Variants in DPYSL3 observed in about 807,000 individuals in gnomAD.
DPYSL3 encodes the protein dihydropyrimidinase like 3.
A neutral mutation model predicts 66.1 loss-of-function variants in DPYSL3; 16 were observed. The observed-to-expected ratio is 0.24, with a 90% CI of 0.16 to 0.37. DPYSL3 has a LOEUF of 0.37. DPYSL3 is among the 10% of genes least tolerant of loss of function. DPYSL3 has a pLI of 1.00. For missense variants in DPYSL3, 738 were observed against 916.2 expected, an observed-to-expected ratio of 0.81 and a Z score of 2.51; for synonymous variants, 338 against 345.1, an observed-to-expected ratio of 0.98 and a Z score of 0.23.
At chr5:147,408,592 C>G in intron 7 of DPYSL3, 136 bp downstream of exon 7, 1 of 837,910 alleles carries the variant, frequency 1.2e-6, no homozygotes, top group African/African-American at 1.7e-5. Flanking sequence ...TTCTCACGGG[C>G]TCCTGAGTTA....
intron 1 of DPYSL3, among the ~76,000 whole-genome samples, chr5:147,469,164 C>A (rs1487468922): frequency 6.6e-6 from 1 of 152,180 alleles, no homozygotes; most frequent in Non-Finnish European, 1.5e-5. Context: ...TGCTTGATGT[C>A]AGTAATTTTC....
At chr5:147,488,674 C>T (rs1268911746) in intron 1 of DPYSL3, among the ~76,000 whole-genome samples, 1 of 152,038 alleles carries the variant, frequency 6.6e-6, no homozygotes, top group Non-Finnish European at 1.5e-5. Flanking sequence ...CATGATTGTG[C>T]CACTGTACTG....
At chr5:147,485,122 C>G (rs1341613665) in intron 1 of DPYSL3, among the ~76,000 whole-genome samples, 1 of 152,142 alleles carries the variant, frequency 6.6e-6, no homozygotes, top group Admixed American at 6.5e-5. Context: ...CAAAAGCAAC[C>G]CACAGCATCG....
rs1360925605 is a variant in DPYSL3 at position 147,391,982 on chromosome 5, A to C, written c.*2053T>G. 6.6e-6 allele frequency: 1 copy of C among 152,234 alleles called. No individual in the cohort carries two copies. The highest frequency in any genetic ancestry group is 2.4e-5 in the African/African-American group (1 of 41,462). The allele number at this position is 152,234 out of a possible 1,614,324, so 9.4% of individuals were successfully genotyped here. ...TCAGACTCAGGGGCTGAGTAACAGC[A>C]GAGCAGAGAGTGCAGAAGTGGACGC... is the stretch of plus-strand genomic sequence containing the variant. On this transcript the variant is annotated 3_prime_UTR_variant, in exon 14 of 14. Coordinates refer to ENST00000343218, the MANE Select transcript of DPYSL3 (RefSeq NM_001197294.2).
chr5:147,492,894 A>G (rs1452898742), intron 1 of DPYSL3, among the ~76,000 whole-genome samples: 2 of 152,196 alleles, frequency 1.3e-5, no homozygotes, highest in Non-Finnish European at 2.9e-5. Flanking sequence ...AAAGACAGAG[A>G]TTGTCAGAAT....
At chr5:147,400,117 G>A (rs537724175) in intron 10 of DPYSL3, among the ~76,000 whole-genome samples, 1 of 152,262 alleles carries the variant, frequency 6.6e-6, no homozygotes, top group South Asian at 2.1e-4. Context: ...GATAATTATT[G>A]ATTTTACTAA....
chr5:147,395,819 G>A, intron 12 of DPYSL3, 98 bp from the exon 13 acceptor site: 1 of 1,378,770 alleles, frequency 7.3e-7, no homozygotes, highest in Non-Finnish European at 9.9e-7. Context: ...TGTGTGGTGG[G>A]AGCTAGGAAT....
At chr5:147,464,421 C>G (rs904530241) in intron 1 of DPYSL3, among the ~76,000 whole-genome samples, 8 of 152,164 alleles carry the variant, frequency 5.3e-5, no homozygotes, top group African/African-American at 1.9e-4. Context: ...TAGCAAGAAT[C>G]CTACTGAACT....
chr5:147,509,301 C>G lies in DPYSL3; in HGVS notation c.381+177G>C, dbSNP rs544988042. Among the ~76,000 whole-genome samples the G allele has an allele frequency of 3.3e-5, 5 of 152,196 alleles. No individual in the cohort carries two copies. Among genetic ancestry groups the G allele is most frequent in the Admixed American group, 1.3e-4 (2 of 15,284 alleles). On this transcript the variant is annotated intron_variant, in intron 1 of 13. Transcript: ENST00000343218. The surrounding 1 kb of genome is among the most constrained non-coding windows in gnomAD (Gnocchi z 5.3). ...AAGATGCTGCAAGTGGCGACACGCG[C>G]GAATCCAGGGTCTGGGCTAGGAAGT...
At position 147,476,357 on chromosome 5, in the gene DPYSL3, C is replaced by T. The variant is rs535719773; in HGVS notation, c.381+33121G>A. Among the ~76,000 whole-genome samples, 127 of 152,050 alleles carry T rather than the reference C, an allele frequency of 8.4e-4. 4 individuals are homozygous for T. The South Asian group carries it at 0.025, about 30-fold the overall frequency. ...TTATGACTGTAAAATAATTGATATT[C>T]GTAATGATGAGTAGAGAAATATGGT... On this transcript the variant is annotated intron_variant, in intron 1 of 13. Transcript: ENST00000343218.
In DPYSL3 at chr5:147,393,956, C is replaced by T; in HGVS notation, c.*79G>A. 1 of 1,436,866 alleles carries T rather than the reference C, an allele frequency of 7.0e-7. No homozygotes were observed. Among genetic ancestry groups the T allele is most frequent in the Non-Finnish European group, 9.8e-7 (1 of 1,025,468 alleles). 89.0% of individuals were successfully genotyped at this position (1,436,866 alleles called of 1,614,324 possible). A position where few individuals can be genotyped will look rare whatever the true frequency, so the allele number is the denominator to read the frequency against. On this transcript the variant is annotated 3_prime_UTR_variant, in exon 14 of 14. Coordinates refer to ENST00000343218, the MANE Select transcript of DPYSL3 (RefSeq NM_001197294.2). ...ATCACAACCGTTTGGATTCGCTTTC[C>T]TTCTTAAATATCGGTGTACCATTTT... is the stretch of plus-strand genomic sequence containing the variant.
intron 5 of DPYSL3, 97 bp downstream of exon 5, chr5:147,413,499 A>G (rs1337455906): frequency 3.3e-5 from 31 of 936,486 alleles, no homozygotes; most frequent in Non-Finnish European, 5.3e-5. Context: ...GGTCTCCCAC[A>G]GTGACCACAG....
At chr5:147,452,309 C>T (rs561616539) in intron 1 of DPYSL3, among the ~76,000 whole-genome samples, 1 of 152,104 alleles carries the variant, frequency 6.6e-6, no homozygotes, top group East Asian at 1.9e-4. Context: ...CAAAACCTGG[C>T]GGACCCTGCA....
At chr5:147,433,298 A>G (rs910182836) in intron 1 of DPYSL3, among the ~76,000 whole-genome samples, 3 of 152,160 alleles carry the variant, frequency 2.0e-5, no homozygotes, top group Non-Finnish European at 4.4e-5. Flanking sequence ...CTGGGTCCGA[A>G]GCTTGGGTGG....
chr5:147,395,865 T>A (rs1757955739), intron 12 of DPYSL3, 144 bp from the exon 13 acceptor site: 2 of 1,020,748 alleles, frequency 2.0e-6, no homozygotes, highest in Non-Finnish European at 2.8e-6. Context: ...AAGGGAGAAG[T>A]AGTATAAAAT....
chr5:147,452,249 A>C (rs1752744368), intron 1 of DPYSL3, among the ~76,000 whole-genome samples: 2 of 152,230 alleles, frequency 1.3e-5, no homozygotes, highest in South Asian at 4.1e-4. Context: ...GCAAACGCAC[A>C]GGATGTTCCA....
intron 1 of DPYSL3, among the ~76,000 whole-genome samples, chr5:147,505,076 C>T (rs1440662287): frequency 1.3e-5 from 2 of 152,104 alleles, no homozygotes. Context: ...TGTAAGCCAA[C>T]CATAGAGGAT....
chr5:147,504,877 A>G (rs182978044), intron 1 of DPYSL3, among the ~76,000 whole-genome samples: 96 of 152,348 alleles, frequency 6.3e-4, no homozygotes, highest in Non-Finnish European at 7.9e-4. Flanking sequence ...GCTGGATGAC[A>G]GAGTCCTTAT....
intron 1 of DPYSL3, among the ~76,000 whole-genome samples, chr5:147,452,881 GCACACACACACACACACACACACACACA>G (rs3995474): frequency 2.9e-5 from 4 of 137,352 alleles, no homozygotes; most frequent in Admixed American, 7.2e-5. Flanking sequence ...TGCATCGAAG[GCACACACACACACACACACACACACACA>G]CACACACACA....
Sources: gnomAD v4.1 joint callset for allele counts (sites outside exome capture counted in the v4.1 genomes callset) on GRCh38, gnomAD v4.1.1 for gene constraint, Gnocchi (gnomAD v3.1) non-coding constraint, MANE v1.5 for transcripts, NCBI Gene and HGNC (gene_info 2026-07-23, HGNC 2026-07-21) for gene names.